Variants in KSR2 observed in about 807,000 individuals in gnomAD.
KSR2 encodes the protein kinase suppressor of ras 2.
Under a neutral mutation model 107.8 loss-of-function variants are expected in KSR2, and 25 were observed. The observed-to-expected ratio is 0.23, with a 90% CI of 0.17 to 0.32. The LOEUF (loss-of-function observed/expected upper bound fraction) is 0.32, where lower values mean the gene tolerates loss of function less well. Ranked by LOEUF, KSR2 falls within the 10% of genes least tolerant of loss-of-function variation. The probability of loss-of-function intolerance (pLI) is 1.00; values close to 1 mark genes in which losing one functional copy is unlikely to be tolerated. For missense variants in KSR2, 887 were observed against 1,268.9 expected (o/e 0.70, Z 4.57); for synonymous variants, 480 against 507.0 (o/e 0.95, Z 0.71).
At chr12:117,577,583 C>T (rs1879361618) in intron 7 of KSR2, among the ~76,000 whole-genome samples, 1 of 152,134 alleles carries the variant, frequency 6.6e-6, no homozygotes, top group South Asian at 2.1e-4. Context: ...GTTTAATGGA[C>T]TCACAGTTCC....
At chr12:117,784,637 TTC>T (rs1436361108) in intron 3 of KSR2, among the ~76,000 whole-genome samples, 5 of 152,260 alleles carry the variant, frequency 3.3e-5, no homozygotes, top group Admixed American at 6.5e-5. Context: ...ATGGGTTTTT[TTC>T]TCTCTCTTTT....
chr12:117,614,565 G>T (rs1184469547), intron 5 of KSR2, among the ~76,000 whole-genome samples: 1 of 152,168 alleles, frequency 6.6e-6, no homozygotes, highest in Non-Finnish European at 1.5e-5. Flanking sequence ...ACTATTAGGA[G>T]TAAATGATGA....
intron 4 of KSR2, among the ~76,000 whole-genome samples, chr12:117,708,380 C>A (rs138704773): frequency 6.6e-6 from 1 of 152,164 alleles, no homozygotes; most frequent in East Asian, 1.9e-4. Context: ...AGATTTCCCC[C>A]ACTAGAGATG....
At chr12:117,780,551 G>T (rs961821608) in intron 3 of KSR2, among the ~76,000 whole-genome samples, 1 of 152,140 alleles carries the variant, frequency 6.6e-6, no homozygotes, top group East Asian at 1.9e-4. Flanking sequence ...GTTACCAGGG[G>T]CTGAGATTAC....
At chr12:117,904,134 C>T (rs1483217487) in intron 1 of KSR2, among the ~76,000 whole-genome samples, 1 of 152,090 alleles carries the variant, frequency 6.6e-6, no homozygotes, top group African/African-American at 2.4e-5. Context: ...GAGAAAACAT[C>T]GCCTGTCAGG....
intron 17 of KSR2, among the ~76,000 whole-genome samples, chr12:117,472,436 G>T (rs1871519685): frequency 6.6e-6 from 1 of 152,112 alleles, no homozygotes; most frequent in African/African-American, 2.4e-5. Flanking sequence ...TGTATCATGG[G>T]GACAGATCTC....
chr12:117,655,099 G>A (rs1010473561), intron 5 of KSR2, among the ~76,000 whole-genome samples: 1 of 152,148 alleles, frequency 6.6e-6, no homozygotes, highest in African/African-American at 2.4e-5. Context: ...GATTATATTG[G>A]ACCTCTTCCA....
chr12:117,894,106 T>A (rs1179407518), intron 1 of KSR2, among the ~76,000 whole-genome samples: 2 of 152,236 alleles, frequency 1.3e-5, no homozygotes, highest in East Asian at 3.9e-4. Context: ...AGATGGGGTT[T>A]CACCGTGTTA....
intron 3 of KSR2, among the ~76,000 whole-genome samples, chr12:117,762,407 T>C (rs2136876779): frequency 6.6e-6 from 1 of 152,306 alleles, no homozygotes; most frequent in East Asian, 1.9e-4. Context: ...GAGTGCCAAC[T>C]ATGCCCTTTG....
intron 1 of KSR2, among the ~76,000 whole-genome samples, chr12:117,903,714 A>C (rs1323448393): frequency 6.6e-6 from 1 of 152,246 alleles, no homozygotes; most frequent in Non-Finnish European, 1.5e-5. Context: ...TTTAAAAAAT[A>C]AGCCTTTGAG....
chr12:117,527,950 AGTGTGTGTGTGTGTGTGTGT>A (rs10664320), intron 12 of KSR2, among the ~76,000 whole-genome samples: 12 of 142,620 alleles, frequency 8.4e-5, no homozygotes, highest in Admixed American at 1.4e-4. Context: ...GGAAGACACA[AGTGTGTGTGTGTGTGTGTGT>A]GTGTGTGTGT....
chr12:117,838,625 A>G (rs1023381439), intron 3 of KSR2, among the ~76,000 whole-genome samples: 2 of 152,226 alleles, frequency 1.3e-5, no homozygotes, highest in East Asian at 1.9e-4. Context: ...TTCTTGATCA[A>G]TTACAGCCCC....
intron 7 of KSR2, among the ~76,000 whole-genome samples, chr12:117,571,627 C>T (rs1878901907): frequency 6.6e-6 from 1 of 152,094 alleles, no homozygotes; most frequent in South Asian, 2.1e-4. Context: ...AAGACTGTGA[C>T]CGCTGGCCAC....
At chr12:117,799,130 T>C (rs1890739799) in intron 3 of KSR2, among the ~76,000 whole-genome samples, 1 of 152,238 alleles carries the variant, frequency 6.6e-6, no homozygotes, top group South Asian at 2.1e-4. Flanking sequence ...GTGTGATGAA[T>C]ATGTATTGGA....
intron 5 of KSR2, among the ~76,000 whole-genome samples, chr12:117,594,198 T>C (rs1343823023): frequency 6.6e-6 from 1 of 152,176 alleles, no homozygotes; most frequent in Admixed American, 6.5e-5. Flanking sequence ...AACAAAGGGC[T>C]GCTGAGAAGT....
chr12:117,696,760 C>T (rs1886076797), intron 4 of KSR2, among the ~76,000 whole-genome samples: 2 of 152,156 alleles, frequency 1.3e-5, no homozygotes, highest in Non-Finnish European at 2.9e-5. Context: ...TGTGACTTTC[C>T]CTTGCCAGGC....
At chr12:117,840,907 CAGG>C (rs1031870718) in intron 3 of KSR2, among the ~76,000 whole-genome samples, 30 of 151,548 alleles carry the variant, frequency 2.0e-4, no homozygotes, top group African/African-American at 7.3e-4. Context: ...GAGGCTGAGG[CAGG>C]AGAATTGCTT....
intron 1 of KSR2, among the ~76,000 whole-genome samples, chr12:117,961,551 C>A (rs899960752): frequency 2.7e-5 from 4 of 150,860 alleles, no homozygotes; most frequent in African/African-American, 9.8e-5. Context: ...AGACTCCTTG[C>A]CACTTTCCCT....
chr12:117,622,504 T>C (rs927585679), intron 5 of KSR2, among the ~76,000 whole-genome samples: 14 of 152,128 alleles, frequency 9.2e-5, no homozygotes, highest in Admixed American at 3.3e-4. Flanking sequence ...AATTTAGTTA[T>C]CAAGGTTTTT....
Sources: allele counts gnomAD v4.1 joint callset (sites outside exome capture counted in the v4.1 genomes callset), GRCh38; gene constraint gnomAD v4.1.1; transcripts MANE v1.5; gene names NCBI Gene and HGNC (gene_info 2026-07-23, HGNC 2026-07-21).